The following CALN1 variants were observed in gnomAD, a reference collection of about 807,000 sequenced individuals.
The protein encoded by CALN1 is calcium-binding protein 8.
In CALN1, 17 loss-of-function variants were observed where a neutral mutation model predicts 30.6. The ratio of observed to expected loss-of-function variants is 0.56; its 90% CI spans 0.38 to 0.83. The LOEUF is 0.83. Ranked by LOEUF, CALN1 falls within the 40% of genes least tolerant of loss-of-function variation. The pLI, the probability that CALN1 is intolerant of heterozygous loss-of-function variation, is 0.00. For missense variants in CALN1, 291 were observed against 354.9 expected (o/e 0.82, Z 1.45); for synonymous variants, 156 against 131.4 (o/e 1.19, Z -1.28).
Position 71,806,369 on chromosome 7 carries a change from C to T in CALN1, c.658+3967G>A, listed in dbSNP as rs185285077. On this transcript the variant is annotated intron_variant, in intron 6 of 6. Coordinates refer to ENST00000395275, the MANE Select transcript of CALN1 (RefSeq NM_031468.4). ...TTGCCCAGGCTGGAGTGCAATGGCG[C>T]GATCTTGGTTCACTGCAACCTCCAC... Among the ~76,000 whole-genome samples the T allele has an allele frequency of 4.1e-3, 613 of 149,190 alleles. 2 individuals carry two copies. Among genetic ancestry groups the T allele is most frequent in the Admixed American group, 8.0e-3 (120 of 14,938 alleles).
intron 2 of CALN1, among the ~76,000 whole-genome samples, chr7:72,352,954 T>C (rs924101050): frequency 1.3e-5 from 2 of 152,116 alleles, no homozygotes; most frequent in South Asian, 4.1e-4. Context: ...GGGAATATTA[T>C]AAAGCAATGT....
At chr7:72,455,509 A>T in the CALN1 span, among the ~76,000 whole-genome samples, 1 of 152,068 alleles carries the variant, frequency 6.6e-6, no homozygotes, top group African/African-American at 2.4e-5. Context: ...GAGGGAGATA[A>T]AGCCCTCTTG....
intron 2 of CALN1, chr7:72,337,291 C>T: frequency 1.0e-6 from 1 of 985,218 alleles, no homozygotes. Context: ...TCGCCTTGGC[C>T]GCCTGCGCCC....
intron 2 of CALN1, among the ~76,000 whole-genome samples, chr7:72,351,218 A>T (rs1208380531): frequency 1.3e-5 from 2 of 152,208 alleles, no homozygotes; most frequent in African/African-American, 2.4e-5. Context: ...AAAATAATTT[A>T]TAGGCCAGGA....
intron 2 of CALN1, among the ~76,000 whole-genome samples, chr7:72,368,611 G>A (rs998998078): frequency 6.6e-6 from 1 of 151,928 alleles, no homozygotes. Flanking sequence ...AAGTAACAAA[G>A]ATATGAGCTA....
At chr7:72,161,148 G>A (rs1424159293) in intron 3 of CALN1, among the ~76,000 whole-genome samples, 3 of 152,162 alleles carry the variant, frequency 2.0e-5, no homozygotes, top group African/African-American at 7.2e-5. Flanking sequence ...GAGGAGAAAC[G>A]TAAACTAACT....
chr7:71,833,577 G>GAAA (rs66818847), intron 5 of CALN1, among the ~76,000 whole-genome samples: 17 of 121,150 alleles, frequency 1.4e-4, no homozygotes, highest in Admixed American at 2.5e-4. Context: ...ACATGGTAAA[G>GAAA]AAAAAAAAAA....
chr7:72,362,806 C>T (rs2129559868), intron 2 of CALN1, among the ~76,000 whole-genome samples: 1 of 152,280 alleles, frequency 6.6e-6, no homozygotes, highest in South Asian at 2.1e-4. Flanking sequence ...CCAGCCCAGC[C>T]ATCACCTCCT....
chr7:72,396,258 G>GAAAAAAA (rs1554399594), intron 2 of CALN1, among the ~76,000 whole-genome samples: 1 of 109,702 alleles, frequency 9.1e-6, no homozygotes, highest in Non-Finnish European at 1.8e-5. Context: ...AAAAAAAAAA[G>GAAAAAAA]AAAGAAAAAG....
At chr7:72,501,948 T>TATATATATATATATATATATAC in the CALN1 span, among the ~76,000 whole-genome samples, 2 of 72,352 alleles carry the variant, frequency 2.8e-5, no homozygotes, top group African/African-American at 1.5e-4. Context: ...TATATATATA[T>TATATATATATATATATATATAC]ACACACATAT....
chr7:71,873,747 C>T (rs916710657), intron 5 of CALN1, among the ~76,000 whole-genome samples: 1 of 152,200 alleles, frequency 6.6e-6, no homozygotes, highest in Non-Finnish European at 1.5e-5. Context: ...GAGTTTGAGA[C>T]CCACTGTGCT....
the CALN1 span, among the ~76,000 whole-genome samples, chr7:72,464,373 A>G: frequency 6.6e-6 from 1 of 152,206 alleles, no homozygotes; most frequent in Non-Finnish European, 1.5e-5. Flanking sequence ...TCTGAGTATC[A>G]ATACTGACCT....
chr7:71,787,980 A>T, intron 6 of CALN1, 78 bp from the exon 7 acceptor site: 1 of 1,591,894 alleles, frequency 6.3e-7, no homozygotes, highest in South Asian at 1.1e-5. Context: ...ACACAGTGAG[A>T]TAGGTTGCAA....
At chr7:72,497,373 G>T in the CALN1 span, among the ~76,000 whole-genome samples, 1 of 152,182 alleles carries the variant, frequency 6.6e-6, no homozygotes, top group Admixed American at 6.5e-5. Context: ...CTGGGAGGCG[G>T]AGGTTGCAGT....
intron 2 of CALN1, among the ~76,000 whole-genome samples, chr7:72,371,656 G>T (rs144843141): frequency 1.3e-5 from 2 of 152,110 alleles, no homozygotes; most frequent in Non-Finnish European, 2.9e-5. Context: ...GCATAAGAAT[G>T]GACTAATGTA....
At chr7:72,468,006 T>A in the CALN1 span, among the ~76,000 whole-genome samples, 1 of 152,334 alleles carries the variant, frequency 6.6e-6, no homozygotes, top group East Asian at 1.9e-4. Flanking sequence ...TCATATAGTA[T>A]GTTTTGTGCA....
chr7:71,929,267 G>A (rs924376514), intron 5 of CALN1, among the ~76,000 whole-genome samples: 4 of 151,986 alleles, frequency 2.6e-5, no homozygotes, highest in Non-Finnish European at 4.4e-5. Flanking sequence ...TCTTCCTGAT[G>A]CCCTCCCTCC....
chr7:72,407,554 A>G (rs987482763), intron 1 of CALN1, among the ~76,000 whole-genome samples: 1 of 152,172 alleles, frequency 6.6e-6, no homozygotes, highest in Non-Finnish European at 1.5e-5. Flanking sequence ...TGCTCTGGCC[A>G]TGTGAAGACA....
At chr7:72,096,933 G>C (rs1806276021) in intron 4 of CALN1, among the ~76,000 whole-genome samples, 1 of 152,192 alleles carries the variant, frequency 6.6e-6, no homozygotes, top group Non-Finnish European at 1.5e-5. Flanking sequence ...TGATAGACTG[G>C]ATTAAGAACA....
Sources: allele counts gnomAD v4.1 joint callset (sites outside exome capture counted in the v4.1 genomes callset), GRCh38; gene constraint gnomAD v4.1.1; transcripts MANE v1.5; gene names NCBI Gene and HGNC (gene_info 2026-07-23, HGNC 2026-07-21).